The following ABAT variants were observed in gnomAD, a reference collection of about 807,000 sequenced individuals.
ABAT encodes the protein 4-aminobutyrate aminotransferase, mitochondrial.
ABAT carries 45 observed loss-of-function variants against 64.6 expected under a neutral mutation model. The observed-to-expected ratio is 0.70, with a 90% CI of 0.55 to 0.89. The LOEUF is 0.89. Among genes scored for constraint, ABAT ranks in the 40% least tolerant of loss-of-function variants. The probability of loss-of-function intolerance (pLI) is 0.00; values close to 1 mark genes in which losing one functional copy is unlikely to be tolerated. For missense variants in ABAT, 633 were observed against 658.4 expected (o/e 0.96, Z 0.42); for synonymous variants, 297 against 250.5 (o/e 1.19, Z -1.75).
intron 1 of ABAT, among the ~76,000 whole-genome samples, chr16:8,707,353 ATT>A (rs386384172): frequency 8.9e-5 from 11 of 123,914 alleles, no homozygotes; most frequent in African/African-American, 6.6e-5. Flanking sequence ...TGCCAGGGTA[ATT>A]TTTTTTTTTT....
intron 14 of ABAT, among the ~76,000 whole-genome samples, chr16:8,778,724 C>T (rs2060340169): frequency 6.6e-6 from 1 of 151,628 alleles, no homozygotes; most frequent in Non-Finnish European, 1.5e-5. Context: ...ATGCAGTGAG[C>T]CGAGATAGTG....
intron 14 of ABAT, among the ~76,000 whole-genome samples, chr16:8,778,329 A>C (rs1596473766): frequency 6.6e-6 from 1 of 152,098 alleles, no homozygotes; most frequent in East Asian, 1.9e-4. Flanking sequence ...TCTGGGGGAG[A>C]ATCTGTTCCA....
intron 3 of ABAT, among the ~76,000 whole-genome samples, chr16:8,747,246 C>G (rs1278462898): frequency 2.0e-5 from 3 of 152,304 alleles, no homozygotes; most frequent in East Asian, 1.9e-4. Flanking sequence ...GCTCAGAGAT[C>G]AAATGCCCAC....
intron 12 of ABAT, 35 bp from the exon 13 acceptor site, chr16:8,774,855 T>G (rs754606706): frequency 3.9e-5 from 63 of 1,611,878 alleles, no homozygotes; most frequent in Non-Finnish European, 5.2e-5. Flanking sequence ...CTCCCACGGG[T>G]GTTTATTTCT....
intron 1 of ABAT, among the ~76,000 whole-genome samples, chr16:8,677,936 G>A (rs935094096): frequency 1.3e-5 from 2 of 152,090 alleles, no homozygotes; most frequent in African/African-American, 4.8e-5. Context: ...GCATGCGCCT[G>A]TAGTCCTAGC....
intron 1 of ABAT, among the ~76,000 whole-genome samples, chr16:8,696,981 G>A (rs747788250): frequency 1.6e-4 from 24 of 152,192 alleles, no homozygotes; most frequent in Non-Finnish European, 2.6e-4. Context: ...ATTGCGCGTC[G>A]ACTGTGAAAT....
chr16:8,681,647 TTTTTTTTTTTTTGAGATGGAG>T (rs1287036740), intron 1 of ABAT, among the ~76,000 whole-genome samples: 1 of 150,506 alleles, frequency 6.6e-6, no homozygotes, highest in African/African-American at 2.4e-5. Context: ...CTATCTTTTT[TTTTTTTTTTTTTGAGATGGAG>T]TCTTGCTCTG....
Position 8,776,019 on chromosome 16 carries a change from G to A in ABAT, c.1123-325G>A, listed in dbSNP as rs888522847. 6.6e-6 allele frequency among the ~76,000 whole-genome samples: 1 copy of A among 152,174 alleles called. No individual in the cohort carries two copies. Among genetic ancestry groups the A allele is most frequent in the South Asian group, 2.1e-4 (1 of 4,832 alleles). On this transcript the variant is annotated intron_variant, in intron 13 of 15. Coordinates refer to ENST00000268251, the MANE Select transcript of ABAT (RefSeq NM_020686.6). The surrounding 1 kb of genome is among the most constrained non-coding windows in gnomAD (Gnocchi z 4.4). ...CAGCTTCCTCCTGTATAAAATGAGG[G>A]TTATAGGAGTTAAGGAACTGACTGT... is the stretch of plus-strand genomic sequence containing the variant.
chr16:8,710,694 CAGAGAGAG>C (rs558327984), intron 1 of ABAT, among the ~76,000 whole-genome samples: 1,545 of 122,046 alleles, frequency 0.013, 22 homozygotes, highest in Admixed American at 0.023. Flanking sequence ...GAGAGAGAGA[CAGAGAGAG>C]AGAGAGAGAG....
intron 1 of ABAT, among the ~76,000 whole-genome samples, chr16:8,726,845 C>T (rs9935422): frequency 0.17 from 26,318 of 152,118 alleles, 2,884 homozygotes; most frequent in African/African-American, 0.3. Flanking sequence ...ACATCCTCTC[C>T]AGCATTTGTT....
chr16:8,714,092 C>G (rs1030635050), intron 1 of ABAT, among the ~76,000 whole-genome samples: 4 of 152,228 alleles, frequency 2.6e-5, no homozygotes, highest in Admixed American at 2.6e-4. Flanking sequence ...TTCAAGGACA[C>G]TTTGTGAACA....
At chr16:8,754,107 A>G (rs943718064) in intron 5 of ABAT, among the ~76,000 whole-genome samples, 9 of 150,870 alleles carry the variant, frequency 6.0e-5, no homozygotes, top group African/African-American at 2.2e-4. Flanking sequence ...CACTTTGGGA[A>G]GCCAAGACAG....
intron 1 of ABAT, chr16:8,720,725 C>G (rs1469093855): frequency 6.6e-6 from 1 of 152,280 alleles, no homozygotes; most frequent in Non-Finnish European, 1.5e-5. Context: ...CTTTGTGTCC[C>G]TTTGAGTCTG....
intron 6 of ABAT, among the ~76,000 whole-genome samples, chr16:8,761,977 TTCCTTC>T (rs1030951875): frequency 2.5e-4 from 38 of 150,904 alleles, no homozygotes; most frequent in African/African-American, 5.6e-4. Context: ...TTCCTTCTTC[TTCCTTC>T]TCCTTCTCCT....
intron 1 of ABAT, among the ~76,000 whole-genome samples, chr16:8,678,229 T>G (rs1480753744): frequency 6.6e-6 from 1 of 152,224 alleles, no homozygotes; most frequent in Admixed American, 6.5e-5. Flanking sequence ...CTGGTTTTTG[T>G]TTTTCTCTTT....
chr16:8,746,892 G>C (rs1422517880), intron 3 of ABAT, among the ~76,000 whole-genome samples: 1 of 152,136 alleles, frequency 6.6e-6, no homozygotes, highest in Admixed American at 6.6e-5. Context: ...TGAGCAGACA[G>C]CTCTGTTGGG....
rs962482985 is a variant in ABAT, at chr16:8,743,653, A to G, written c.71-2348A>G. 5.1e-4 allele frequency among the ~76,000 whole-genome samples: 69 copies of G among 135,198 alleles called. 1 individual carries two copies. Among genetic ancestry groups the G allele is most frequent in the African/African-American group, 1.8e-3 (65 of 36,036 alleles). 88.7% of individuals were successfully genotyped at this position (135,198 alleles called of 152,430 possible). ...ATATTTTAGTTATAATATATAATAT[A>G]TATTTTAGTTATAATATGTTATATA... On this transcript the variant is annotated intron_variant, in intron 2 of 15. Transcript: ENST00000268251.
At chr16:8,687,774 G>A (rs893698399) in intron 1 of ABAT, among the ~76,000 whole-genome samples, 9 of 152,282 alleles carry the variant, frequency 5.9e-5, no homozygotes, top group African/African-American at 1.2e-4. Context: ...CTGAGTGCCC[G>A]GGAGCCAGTG....
chr16:8,747,131 C>T (rs543030661), intron 3 of ABAT, among the ~76,000 whole-genome samples: 2 of 152,202 alleles, frequency 1.3e-5, no homozygotes, highest in East Asian at 3.9e-4. Context: ...CTGCCTCCTT[C>T]TGCTGGCCAA....
Sources: gnomAD v4.1 joint callset for allele counts (sites outside exome capture counted in the v4.1 genomes callset) on GRCh38, gnomAD v4.1.1 for gene constraint, Gnocchi (gnomAD v3.1) non-coding constraint, MANE v1.5 for transcripts, NCBI Gene and HGNC (gene_info 2026-07-23, HGNC 2026-07-21) for gene names.